SFMBT2: variants seen among roughly 807,000 people sequenced by gnomAD.
The protein encoded by SFMBT2 is Scm like with four mbt domains 2.
A neutral mutation model predicts 110.1 loss-of-function variants in SFMBT2; 38 were observed. The ratio of observed to expected loss-of-function variants is 0.35; its 90% CI spans 0.27 to 0.45. The LOEUF (loss-of-function observed/expected upper bound fraction) is 0.45, where lower values mean the gene tolerates loss of function less well. Ranked by LOEUF, SFMBT2 falls within the 20% of genes least tolerant of loss-of-function variation. The pLI is 1.00. For synonymous variants in SFMBT2, 425 were observed against 425.4 expected, an observed-to-expected ratio of 1.00 and a Z score of 0.01; for missense variants, 1,011 against 1,094.9, an observed-to-expected ratio of 0.92 and a Z score of 1.08.
At chr10:7,224,080 A>G (rs556404827) in intron 10 of SFMBT2, among the ~76,000 whole-genome samples, 30 of 152,158 alleles carry the variant, frequency 2.0e-4, no homozygotes, top group Admixed American at 3.3e-4. Context: ...CTTCTTTTCT[A>G]TTGGGAATGA....
intron 11 of SFMBT2, among the ~76,000 whole-genome samples, chr10:7,213,710 C>T (rs978791752): frequency 2.2e-5 from 3 of 134,236 alleles, no homozygotes; most frequent in African/African-American, 3.5e-5. Flanking sequence ...CACTCAGATC[C>T]GTGTGCGAGG....
Position 7,381,541 on chromosome 10 carries a change from C to T in SFMBT2, c.100+258G>A, listed in dbSNP as rs183261090. ...ACTCCATGCTACGGTGATTTGTAGA[C>T]GTTTCCTGCCCAGGCCACTGAGATT... On this transcript the variant is annotated intron_variant, in intron 2 of 20. Transcript: ENST00000397167. Among the ~76,000 whole-genome samples, 15 of 152,272 alleles carry T rather than the reference C, an allele frequency of 9.9e-5. No homozygotes were observed. In the East Asian group the frequency reaches 1.4e-3, roughly 14 times the overall value.
intron 4 of SFMBT2, among the ~76,000 whole-genome samples, chr10:7,365,801 T>C (rs1264271976): frequency 6.6e-6 from 1 of 152,090 alleles, no homozygotes; most frequent in Non-Finnish European, 1.5e-5. Flanking sequence ...AGAAAGTGCA[T>C]TAGTGTTTGC....
rs550306211 is a variant in SFMBT2, at chr10:7,160,196, G to A, written c.*3574C>T. The A allele has an allele frequency of 1.3e-5, 2 of 152,310 alleles. No individual in the cohort carries two copies. The highest frequency in any genetic ancestry group is 4.8e-5 in the African/African-American group (2 of 41,560). 9.4% of individuals were successfully genotyped at this position (152,310 alleles called of 1,614,324 possible). A position where few individuals can be genotyped will look rare whatever the true frequency, so the allele number is the denominator to read the frequency against. On this transcript the variant is annotated 3_prime_UTR_variant, in exon 21 of 21. Coordinates refer to ENST00000397167, the MANE Select transcript of SFMBT2 (RefSeq NM_001387889.1). ...AGTTCCCCACGCTGTGCAGCTCCGT[G>A]GTGAAGTTCACTGTGTTTTGCTTTT...
chr10:7,226,106 T>A (rs1839889653), intron 10 of SFMBT2, among the ~76,000 whole-genome samples: 1 of 152,180 alleles, frequency 6.6e-6, no homozygotes, highest in African/African-American at 2.4e-5. Flanking sequence ...TCGGTGGCAA[T>A]CCTGCGGAGA....
intron 6 of SFMBT2, among the ~76,000 whole-genome samples, chr10:7,281,945 A>G (rs566795842): frequency 5.3e-4 from 80 of 152,262 alleles, no homozygotes; most frequent in African/African-American, 1.7e-3. Flanking sequence ...CCTGTGATCA[A>G]GCGATCCTCC....
At chr10:7,222,834 T>A (rs557285200) in intron 10 of SFMBT2, among the ~76,000 whole-genome samples, 19 of 152,202 alleles carry the variant, frequency 1.2e-4, no homozygotes, top group African/African-American at 4.6e-4. Context: ...CATGCCCAGC[T>A]AATTTTTTTA....
rs150467440 is a variant in SFMBT2 at position 7,226,465 on chromosome 10, G to A, written c.1203+1390C>T. On this transcript the variant is annotated intron_variant, in intron 10 of 20. Transcript: ENST00000397167. The stretch of plus-strand genomic sequence containing the variant: ...TATGTCTAGAGTGCAATGACAGTGT[G>A]GCAGCAACGAAACCGCAAGCTCCAG... Among the ~76,000 whole-genome samples, 54 of 152,322 alleles carry A rather than the reference G, an allele frequency of 3.5e-4. 1 individual carries two copies. Among genetic ancestry groups the A allele is most frequent in the Admixed American group, 1.6e-3 (24 of 15,294 alleles).
At chr10:7,169,651 C>T (rs377722153) in intron 20 of SFMBT2, among the ~76,000 whole-genome samples, 47 of 152,148 alleles carry the variant, frequency 3.1e-4, no homozygotes, top group African/African-American at 1.1e-3. Flanking sequence ...ACCAGGACAA[C>T]GCAAGAAACT....
intron 8 of SFMBT2, among the ~76,000 whole-genome samples, chr10:7,246,536 C>G (rs746320225): frequency 1.3e-4 from 19 of 151,888 alleles, no homozygotes; most frequent in Middle Eastern, 6.8e-3. Flanking sequence ...CTGGTCAAGA[C>G]GGTGAAACCC....
At chr10:7,190,264 AC>A (rs1477586135) in intron 15 of SFMBT2, among the ~76,000 whole-genome samples, 1 of 152,200 alleles carries the variant, frequency 6.6e-6, no homozygotes, top group Non-Finnish European at 1.5e-5. Context: ...ATTTACAGAA[AC>A]TCAGTTTAAA....
chr10:7,241,867 A>C (rs184817882), intron 9 of SFMBT2, among the ~76,000 whole-genome samples: 32 of 152,330 alleles, frequency 2.1e-4, no homozygotes, highest in Admixed American at 7.2e-4. Flanking sequence ...ATGCTGATAT[A>C]AATACTTTTC....
chr10:7,316,568 T>G (rs1174474436), intron 4 of SFMBT2, among the ~76,000 whole-genome samples: 1 of 152,202 alleles, frequency 6.6e-6, no homozygotes, highest in Non-Finnish European at 1.5e-5. Flanking sequence ...GAGGACATTC[T>G]TCTCCCATGC....
intron 1 of SFMBT2, among the ~76,000 whole-genome samples, chr10:7,388,524 A>ATTTTTTTTTTTTTTTTTTTT (rs60231769): frequency 8.9e-6 from 1 of 112,094 alleles, no homozygotes; most frequent in Non-Finnish European, 1.8e-5. Flanking sequence ...TACCCAGCTA[A>ATTTTTTTTTTTTTTTTTTTT]TTTTTTTTTT....
At chr10:7,318,433 C>T (rs2131924946) in intron 4 of SFMBT2, among the ~76,000 whole-genome samples, 1 of 152,202 alleles carries the variant, frequency 6.6e-6, no homozygotes, top group Admixed American at 6.5e-5. Flanking sequence ...GTGATATTGT[C>T]CCCACTTAGA....
At chr10:7,299,595 G>A (rs542081113) in intron 4 of SFMBT2, among the ~76,000 whole-genome samples, 26 of 152,280 alleles carry the variant, frequency 1.7e-4, no homozygotes, top group African/African-American at 5.8e-4. Context: ...AGATGCTGGC[G>A]AGGCTGTGGA....
At chr10:7,325,167 C>CA (rs199926810) in intron 4 of SFMBT2, among the ~76,000 whole-genome samples, 2,062 of 151,942 alleles carry the variant, frequency 0.014, 49 homozygotes, top group African/African-American at 0.046. Flanking sequence ...GGGGTTTCAC[C>CA]ATGTTGGCCA....
intron 2 of SFMBT2, among the ~76,000 whole-genome samples, chr10:7,379,905 A>T (rs1394249440): frequency 2.6e-5 from 4 of 152,226 alleles, no homozygotes; most frequent in Non-Finnish European, 5.9e-5. Flanking sequence ...TCCCGACACC[A>T]GATTATCATT....
chr10:7,206,324 TGG>T, intron 11 of SFMBT2: 1 of 985,384 alleles, frequency 1.0e-6, no homozygotes, highest in Non-Finnish European at 1.2e-6. Context: ...TATCGGAGCT[TGG>T]GGTGGGACCT....
Sources: allele counts gnomAD v4.1 joint callset (sites outside exome capture counted in the v4.1 genomes callset), GRCh38; gene constraint gnomAD v4.1.1; transcripts MANE v1.5; gene names NCBI Gene and HGNC (gene_info 2026-07-23, HGNC 2026-07-21).